THSD7A: variants seen among roughly 807,000 people sequenced by gnomAD.
THSD7A encodes thrombospondin type-1 domain-containing protein 7A.
In THSD7A, 96 loss-of-function variants were observed where a neutral mutation model predicts 231.3. That is an observed-to-expected ratio of 0.41 (90% CI 0.35 to 0.49). The LOEUF (loss-of-function observed/expected upper bound fraction) is 0.49. THSD7A is among the 20% of genes least tolerant of loss of function. THSD7A has a pLI of 0.05. For synonymous variants in THSD7A, 940 were observed against 743.3 expected (o/e 1.26, Z -4.30); for missense variants, 2,290 against 2,070.2 (o/e 1.11, Z -2.06).
intron 2 of THSD7A, among the ~76,000 whole-genome samples, chr7:11,620,739 AC>A (rs1299292472): frequency 2.0e-5 from 3 of 152,202 alleles, no homozygotes; most frequent in African/African-American, 7.2e-5. Flanking sequence ...GCTTATTATC[AC>A]AATCAAATTA....
At position 11,499,858 on chromosome 7, in the gene THSD7A, A is replaced by C. The variant is rs183188965; in HGVS notation, c.1823-17876T>G. Among the ~76,000 whole-genome samples, 91 of 152,318 alleles carry C rather than the reference A, an allele frequency of 6.0e-4. 2 individuals are homozygous for C. The highest frequency in any genetic ancestry group is 1.4e-3 in the South Asian group (7 of 4,830). ...TCTATGAATCAGTGGCATTCCTGAA[A>C]GGGAGGGGGAGAAAACAAACAACTT... On this transcript the variant is annotated intron_variant, in intron 6 of 27. Transcript: ENST00000423059.
chr7:11,536,978 A>G (rs1216832340), intron 6 of THSD7A, among the ~76,000 whole-genome samples: 2 of 152,182 alleles, frequency 1.3e-5, no homozygotes, highest in African/African-American at 2.4e-5. Flanking sequence ...AAATTGTACT[A>G]TAAGACTTAA....
chr7:11,436,192 T>C (rs757234), intron 13 of THSD7A, among the ~76,000 whole-genome samples: 33,739 of 151,872 alleles, frequency 0.22, 5,322 homozygotes, highest in African/African-American at 0.44. Context: ...TTGTCAGGAA[T>C]ACAAACATAT....
At chr7:11,461,175 G>T (rs980662015) in intron 10 of THSD7A, among the ~76,000 whole-genome samples, 2 of 152,110 alleles carry the variant, frequency 1.3e-5, no homozygotes, top group African/African-American at 4.8e-5. Flanking sequence ...AGCATTGTAG[G>T]AGTATCTCAG....
At chr7:11,376,488 A>G in intron 27 of THSD7A, 82 bp downstream of exon 27, 1 of 1,038,538 alleles carries the variant, frequency 9.6e-7, no homozygotes. Context: ...ATAAATGTAG[A>G]GTACTTATTT....
At chr7:11,740,331 T>C (rs573365128) in intron 1 of THSD7A, among the ~76,000 whole-genome samples, 17 of 152,086 alleles carry the variant, frequency 1.1e-4, no homozygotes, top group Non-Finnish European at 2.4e-4. Flanking sequence ...AGAGAAATTG[T>C]ATACACCTCC....
rs1283841922 is a variant in THSD7A, at chr7:11,637,890, T to C, written c.191-929A>G. Among the ~76,000 whole-genome samples, 1 of 152,234 alleles carries C rather than the reference T, an allele frequency of 6.6e-6. No individual in the cohort carries two copies. ...AGTACTTTAATAGACAGATCCCAAT[T>C]TACGAAATTGAGAATTGTATTATTT... On this transcript the variant is annotated intron_variant, in intron 1 of 27. Coordinates refer to ENST00000423059, the MANE Select transcript of THSD7A (RefSeq NM_015204.3). The surrounding 1 kb of genome is among the most constrained non-coding windows in gnomAD (Gnocchi z 4.2).
chr7:11,446,186 T>C lies in THSD7A; in HGVS notation c.2939A>G (p.Glu980Gly). The part of the protein sequence containing the change: ...SDCILPEGKV[E>G]VLLGMKVQGD... ...TTGTACTTTCATTCCCAGCAACACT[T>C]CCACTTTTCCCTCTGGTAAAATACA... The change falls in exon 13 of 28, where the codon GAA becomes GGA. Residue 980 changes from glutamate to glycine, a missense_variant. Glu to Gly is a moderately conservative substitution (Grantham distance 98). Transcript: ENST00000423059. The surrounding 1 kb of genome is among the most constrained non-coding windows in gnomAD (Gnocchi z 4.0). 3 of 1,613,570 alleles carry C rather than the reference T, an allele frequency of 1.9e-6. No individual in the cohort carries two copies. The highest frequency in any genetic ancestry group is 2.5e-6 in the Non-Finnish European group (3 of 1,179,654).
intron 11 of THSD7A, among the ~76,000 whole-genome samples, 174 bp downstream of exon 11, chr7:11,460,488 G>T (rs1416308204): frequency 6.6e-6 from 1 of 152,106 alleles, no homozygotes; most frequent in Non-Finnish European, 1.5e-5. Context: ...AAGAACAATG[G>T]GAACAATTTA....
intron 5 of THSD7A, among the ~76,000 whole-genome samples, chr7:11,542,604 C>T (rs1789199760): frequency 6.6e-6 from 1 of 152,066 alleles, no homozygotes; most frequent in South Asian, 2.1e-4. Context: ...TGTTACATCC[C>T]TTTTACAGAT....
At chr7:11,649,229 G>C in intron 1 of THSD7A, among the ~76,000 whole-genome samples, 1 of 152,012 alleles carries the variant, frequency 6.6e-6, no homozygotes, top group Non-Finnish European at 1.5e-5. Context: ...AACCATGTGA[G>C]TGACCCATGA....
chr7:11,609,223 C>T (rs1429123966), intron 2 of THSD7A, among the ~76,000 whole-genome samples: 5 of 152,078 alleles, frequency 3.3e-5, no homozygotes, highest in Non-Finnish European at 7.4e-5. Flanking sequence ...ACAGCTTCCC[C>T]AGCTTCTCAC....
intron 1 of THSD7A, among the ~76,000 whole-genome samples, chr7:11,712,815 G>C (rs910835067): frequency 2.0e-5 from 3 of 150,842 alleles, no homozygotes; most frequent in African/African-American, 7.3e-5. Context: ...TCTCCATGTA[G>C]AAATCATCAA....
intron 1 of THSD7A, among the ~76,000 whole-genome samples, chr7:11,734,475 T>A (rs1053907881): frequency 2.6e-5 from 4 of 151,980 alleles, no homozygotes; most frequent in Non-Finnish European, 5.9e-5. Flanking sequence ...TGGTCAATCT[T>A]TTTCCATATC....
At chr7:11,564,812 T>G (rs1790235234) in intron 4 of THSD7A, among the ~76,000 whole-genome samples, 1 of 152,236 alleles carries the variant, frequency 6.6e-6, no homozygotes, top group Non-Finnish European at 1.5e-5. Context: ...ATTTTTAAAT[T>G]ATTTATAGAA....
chr7:11,455,720 C>G (rs1432794494), intron 11 of THSD7A, among the ~76,000 whole-genome samples: 1 of 151,996 alleles, frequency 6.6e-6, no homozygotes, highest in Non-Finnish European at 1.5e-5. Context: ...AGAGACTCTA[C>G]CTATATTCTT....
intron 1 of THSD7A, among the ~76,000 whole-genome samples, chr7:11,724,825 A>G: frequency 6.6e-6 from 1 of 151,944 alleles, no homozygotes; most frequent in East Asian, 1.9e-4. Context: ...AACAGCTTAA[A>G]GCCATGGATG....
In THSD7A at chr7:11,446,771, C is replaced by T. The variant is rs985463166; in HGVS notation, c.2801-447G>A. Among the ~76,000 whole-genome samples, 1 of 152,090 alleles carries T rather than the reference C, an allele frequency of 6.6e-6. No individual in the cohort carries two copies. The highest frequency in any genetic ancestry group is 6.6e-5 in the Admixed American group (1 of 15,254). On this transcript the variant is annotated intron_variant, in intron 12 of 27. Transcript: ENST00000423059. The surrounding 1 kb of genome is among the most constrained non-coding windows in gnomAD (Gnocchi z 4.0). ...TTAGTTCAGAGTGATGGATCCTAAT[C>T]CTGCTCATTATATTCATGCTGTTAG... is the stretch of plus-strand genomic sequence containing the variant.
At chr7:11,395,099 C>T (rs1783130327) in intron 23 of THSD7A, among the ~76,000 whole-genome samples, 2 of 150,166 alleles carry the variant, frequency 1.3e-5, no homozygotes, top group South Asian at 4.2e-4. Context: ...CACACATAGG[C>T]TTAAAATAAA....
Sources: gnomAD v4.1 joint callset for allele counts (sites outside exome capture counted in the v4.1 genomes callset) on GRCh38, gnomAD v4.1.1 for gene constraint, Gnocchi (gnomAD v3.1) non-coding constraint, MANE v1.5 for transcripts, NCBI Gene and HGNC (gene_info 2026-07-23, HGNC 2026-07-21) for gene names.